Variants in POLR3E observed in about 807,000 individuals in gnomAD.
POLR3E encodes the protein DNA-directed RNA polymerase III subunit RPC5.
Under a neutral mutation model 96.6 loss-of-function variants are expected in POLR3E, and 41 were observed. That is an observed-to-expected ratio of 0.42 (90% CI 0.33 to 0.55). The LOEUF is 0.55. Ranked by LOEUF, POLR3E falls within the 20% of genes least tolerant of loss-of-function variation. POLR3E has a pLI of 0.06. For missense variants in POLR3E, 849 were observed against 952.1 expected (o/e 0.89, Z 1.43); for synonymous variants, 396 against 383.6 (o/e 1.03, Z -0.38).
At chr16:22,325,127 T>C in intron 16 of POLR3E, 78 bp from the exon 17 acceptor site, 1 of 1,114,358 alleles carries the variant, frequency 9.0e-7, no homozygotes, top group South Asian at 1.2e-5. Flanking sequence ...TCCTGGGGCC[T>C]AAGGGGTGGT....
chr16:22,325,947 A>AGGAGGC lies in POLR3E; in HGVS notation c.1541_1546dup (p.Ala514_Glu515dup). 1 of 1,590,488 alleles carries AGGAGGC rather than the reference A, an allele frequency of 6.3e-7. No individual in the cohort carries two copies. Among genetic ancestry groups the AGGAGGC allele is most frequent in the Non-Finnish European group, 8.6e-7 (1 of 1,168,254 alleles). On this transcript the variant is annotated inframe_insertion, in exon 18 of 21. Transcript: ENST00000299853. ...GAGGAGGGCGAGGAGGACGAGGAGC[A>AGGAGGC]GGAGGCGGAGGAGGAGCCCATGGAC...
intron 20 of POLR3E, 76 bp from the exon 21 acceptor site, chr16:22,333,568 T>C (rs1253264248): frequency 1.5e-5 from 15 of 970,718 alleles, no homozygotes; most frequent in Non-Finnish European, 2.5e-5. Flanking sequence ...ATAAATCGAG[T>C]GTTGACATTG....
intron 5 of POLR3E, 37 bp from the exon 6 acceptor site, chr16:22,309,391 G>T (rs1007640799): frequency 2.7e-6 from 4 of 1,499,412 alleles, no homozygotes; most frequent in Non-Finnish European, 3.7e-6. Flanking sequence ...GCTCGGAGCT[G>T]CCTTCCCCTG....
chr16:22,315,053 G>A (rs1264006318), intron 8 of POLR3E, 36 bp from the exon 9 acceptor site: 1 of 1,609,086 alleles, frequency 6.2e-7, no homozygotes, highest in East Asian at 2.2e-5. Context: ...AGGGTCACAG[G>A]CCTGACGGTA....
chr16:22,316,336 G>A (rs1302048184), intron 9 of POLR3E, among the ~76,000 whole-genome samples: 1 of 152,232 alleles, frequency 6.6e-6, no homozygotes, highest in Non-Finnish European at 1.5e-5. Flanking sequence ...GATGCCCAGT[G>A]AATGTTAGCC....
At chr16:22,315,240 A>T (rs372738118) in intron 9 of POLR3E, 32 bp downstream of exon 9, 2 of 1,558,424 alleles carry the variant, frequency 1.3e-6, no homozygotes, top group African/African-American at 1.4e-5. Flanking sequence ...CCTGGGGGAA[A>T]CACCTCGGTG....
At position 22,317,170 on chromosome 16, in the gene POLR3E, C is replaced by A. The variant is rs201302231; in HGVS notation, c.829C>A (p.Pro277Thr). 6.2e-7 allele frequency: 1 copy of A among 1,613,716 alleles called. No homozygotes were observed. The highest frequency in any genetic ancestry group is 2.2e-5 in the East Asian group (1 of 44,882). The change falls in exon 12 of 21, where the codon CCC becomes ACC. Residue 277 changes from proline (P) to threonine (T), a missense_variant. Pro to Thr is a conservative substitution (Grantham distance 38, BLOSUM62 -1). Transcript: ENST00000299853. The stretch of plus-strand genomic sequence containing the variant: ...GTCGATGGCCCAGCTGCGCACGCTG[C>A]CCCTGGCCGATCAGATCAAGATCCT... ...VLSMAQLRTL[P>T]LADQIKILMK...
rs534141894 is a variant in POLR3E, at chr16:22,300,560, G to T, written c.-38-2371G>T. Among the ~76,000 whole-genome samples, 91 of 152,356 alleles carry T rather than the reference G, an allele frequency of 6.0e-4. 2 individuals carry two copies. In the South Asian group the frequency reaches 0.017, roughly 28 times the overall value. On this transcript the variant is annotated intron_variant, in intron 1 of 20. Coordinates refer to ENST00000299853, the MANE Select transcript of POLR3E (RefSeq NM_018119.4). ...CAGCCTCTCAGTTGTCCACTGCCCA[G>T]CTGCAGAGAAGGCAGGAGCTTGACA...
chr16:22,329,769 G>C (rs1477485433), intron 19 of POLR3E, among the ~76,000 whole-genome samples: 1 of 152,176 alleles, frequency 6.6e-6, no homozygotes, highest in Non-Finnish European at 1.5e-5. Context: ...GGACCTGACT[G>C]CCACCCCTCA....
intron 19 of POLR3E, among the ~76,000 whole-genome samples, chr16:22,330,618 C>A (rs1245905663): frequency 6.6e-6 from 1 of 152,206 alleles, no homozygotes; most frequent in African/African-American, 2.4e-5. Flanking sequence ...GTGAGACTCG[C>A]TCTTCCCCAT....
intron 1 of POLR3E, among the ~76,000 whole-genome samples, chr16:22,302,200 C>G (rs1298419005): frequency 6.6e-6 from 1 of 152,102 alleles, no homozygotes; most frequent in African/African-American, 2.4e-5. Flanking sequence ...AGCAGAAAGG[C>G]CTTTCCCGCC....
In POLR3E at chr16:22,308,941, CCAT is replaced by C. The variant is rs2048187295; in HGVS notation, c.184_186del (p.Ile62del). 2 of 1,612,974 alleles carry C rather than the reference CCAT, an allele frequency of 1.2e-6. No individual in the cohort carries two copies. The highest frequency in any genetic ancestry group is 1.7e-6 in the Non-Finnish European group (2 of 1,179,206). On this transcript the variant is annotated inframe_deletion, in exon 5 of 21. Coordinates refer to ENST00000299853, the MANE Select transcript of POLR3E (RefSeq NM_018119.4). ...TGCCTCCAGGTAGAGCTTGAGATGGCCATCGACACCCTGAACCCCAACTATTGC... is the reference window on the plus strand; with the variant it reads ...TGCCTCCAGGTAGAGCTTGAGATGGCCGACACCCTGAACCCCAACTATTGC...
At chr16:22,303,960 G>A (rs1394036073) in intron 2 of POLR3E, among the ~76,000 whole-genome samples, 5 of 151,606 alleles carry the variant, frequency 3.3e-5, no homozygotes, top group African/African-American at 4.8e-5. Context: ...ACGGGCGCCC[G>A]CCACTACACC....
At chr16:22,324,739 C>A in intron 16 of POLR3E, 79 bp downstream of exon 16, 1 of 1,474,992 alleles carries the variant, frequency 6.8e-7, no homozygotes, top group Non-Finnish European at 9.5e-7. Context: ...CAGGGTGGAT[C>A]CGAGCAATCT....
intron 2 of POLR3E, 107 bp downstream of exon 2, chr16:22,303,111 CT>C (rs2048061238): frequency 5.8e-6 from 6 of 1,030,926 alleles, no homozygotes; most frequent in South Asian, 2.5e-5. Context: ...TCTGGGACCC[CT>C]AACCCTTGCT....
rs745624433 is a variant in POLR3E at position 22,325,277 on chromosome 16, G to C, written c.1348+11G>C. 2.5e-6 allele frequency: 4 copies of C among 1,610,858 alleles called. No individual in the cohort carries two copies. Among genetic ancestry groups the C allele is most frequent in the Non-Finnish European group, 3.4e-6 (4 of 1,177,056 alleles). On this transcript the variant is annotated intron_variant, in intron 17 of 20. Coordinates refer to ENST00000299853, the MANE Select transcript of POLR3E (RefSeq NM_018119.4). ...CGGATGCACAATCAGGTGTGTGAGG[G>C]GCTTTGGGCTGGGAGGCCCCGGCTC...
At chr16:22,332,726 C>T (rs2048766904) in intron 20 of POLR3E, among the ~76,000 whole-genome samples, 1 of 152,008 alleles carries the variant, frequency 6.6e-6, no homozygotes, top group African/African-American at 2.4e-5. Flanking sequence ...AGAATCCATT[C>T]TTAAATTTAG....
At chr16:22,314,199 G>A in intron 8 of POLR3E, 71 bp downstream of exon 8, 1 of 1,231,948 alleles carries the variant, frequency 8.1e-7, no homozygotes, top group Non-Finnish European at 1.2e-6. Context: ...AGGGGTAGCG[G>A]GTCTTCACAG....
chr16:22,325,804 C>T lies in POLR3E; in HGVS notation c.1392C>T (p.Ala464=), dbSNP rs2048570054. 1 of 1,602,408 alleles carries T rather than the reference C, an allele frequency of 6.2e-7. No homozygotes were observed. Among genetic ancestry groups the T allele is most frequent in the Non-Finnish European group, 8.5e-7 (1 of 1,174,830 alleles). The change falls in exon 18 of 21, where the codon GCC becomes GCT. Residue 464 remains alanine (A), a synonymous_variant. Transcript: ENST00000299853. ...GTGGGGACCAGCGGATCCAAGTAGC[C>T]AAAACCAAGGCCCAGCAGAACCACG... ...LVCGDQRIQV[A]KTKAQQNHAL...
Sources: allele counts gnomAD v4.1 joint callset (sites outside exome capture counted in the v4.1 genomes callset), GRCh38; gene constraint gnomAD v4.1.1; transcripts MANE v1.5; gene names NCBI Gene and HGNC (gene_info 2026-07-23, HGNC 2026-07-21).